Variants in RBFOX2 observed in about 807,000 individuals in gnomAD.
RBFOX2 encodes the protein RNA binding fox-1 homolog 2, also known as RNA binding protein fox-1 homolog 2.
RBFOX2 carries 10 observed loss-of-function variants against 49.1 expected under a neutral mutation model. The observed-to-expected ratio is 0.20, with a 90% CI of 0.13 to 0.35. The LOEUF (loss-of-function observed/expected upper bound fraction) is 0.35. RBFOX2 is among the 10% of genes least tolerant of loss of function. The pLI, the probability that RBFOX2 is intolerant of heterozygous loss-of-function variation, is 1.00. For synonymous variants in RBFOX2, 183 were observed against 187.4 expected, an observed-to-expected ratio of 0.98 and a Z score of 0.19; for missense variants, 323 against 486.9, an observed-to-expected ratio of 0.66 and a Z score of 3.17.
At chr22:35,802,650 C>A (rs1460424196) in intron 2 of RBFOX2, among the ~76,000 whole-genome samples, 1 of 152,058 alleles carries the variant, frequency 6.6e-6, no homozygotes, top group African/African-American at 2.4e-5. Flanking sequence ...GCTCTGACAG[C>A]TAAAAGGGGC....
chr22:35,972,382 G>A (rs192708867), intron 1 of RBFOX2, among the ~76,000 whole-genome samples: 3 of 151,056 alleles, frequency 2.0e-5, no homozygotes, highest in Admixed American at 6.6e-5. Flanking sequence ...ACAATCCTAA[G>A]TCAAACCGCT....
intron 1 of RBFOX2, among the ~76,000 whole-genome samples, chr22:35,838,743 G>GAT (rs961726508): frequency 1.3e-5 from 2 of 152,236 alleles, no homozygotes; most frequent in African/African-American, 4.8e-5. Context: ...ATGATGAGGG[G>GAT]ATAACACATG....
intron 1 of RBFOX2, among the ~76,000 whole-genome samples, chr22:35,980,077 A>C (rs1351841997): frequency 6.6e-6 from 1 of 152,176 alleles, no homozygotes; most frequent in African/African-American, 2.4e-5. Flanking sequence ...TTGTACAGGG[A>C]ATGTTGGGCC....
intron 1 of RBFOX2, among the ~76,000 whole-genome samples, chr22:35,933,926 T>TTATATATTTATATATATATATA (rs1556421196): frequency 8.5e-6 from 1 of 118,020 alleles, no homozygotes; most frequent in African/African-American, 3.9e-5. Context: ...TAATTAAATG[T>TTATATATTTATATATATATATA]TATATATATA....
exon 1 of RBFOX2, chr22:35,840,414 C>T: frequency 6.8e-7 from 1 of 1,480,802 alleles, no homozygotes; most frequent in Non-Finnish European, 8.9e-7. Context: ...GCAGTCTCTC[C>T]CCCTCCTTCT....
At chr22:35,871,656 C>T (rs371662164) in intron 1 of RBFOX2, among the ~76,000 whole-genome samples, 4 of 152,086 alleles carry the variant, frequency 2.6e-5, no homozygotes, top group Admixed American at 2.6e-4. Context: ...AAAGGAATAC[C>T]ATCAAACTCA....
At chr22:35,959,743 CCTT>C (rs2055992311) in intron 1 of RBFOX2, among the ~76,000 whole-genome samples, 1 of 152,282 alleles carries the variant, frequency 6.6e-6, no homozygotes, top group South Asian at 2.1e-4. Flanking sequence ...AGATTTCCCT[CCTT>C]GATTCAGTAG....
intron 1 of RBFOX2, among the ~76,000 whole-genome samples, chr22:35,820,035 T>G (rs1041430855): frequency 2.0e-5 from 3 of 152,132 alleles, no homozygotes; most frequent in Admixed American, 6.5e-5. Context: ...ATGGAGGCCT[T>G]GGAGACCTAT....
chr22:35,817,781 T>C (rs558229156), intron 1 of RBFOX2, among the ~76,000 whole-genome samples: 2 of 152,096 alleles, frequency 1.3e-5, no homozygotes, highest in Non-Finnish European at 2.9e-5. Context: ...AATCTTGAGC[T>C]CTTATAAACA....
chr22:35,830,495 A>T (rs541685616), intron 1 of RBFOX2, among the ~76,000 whole-genome samples: 2 of 152,354 alleles, frequency 1.3e-5, no homozygotes, highest in Admixed American at 1.3e-4. Context: ...CGTGTCCTTA[A>T]GCAAGTGTCT....
intron 1 of RBFOX2, among the ~76,000 whole-genome samples, chr22:35,926,233 T>C (rs1371832785): frequency 6.6e-6 from 1 of 152,202 alleles, no homozygotes; most frequent in African/African-American, 2.4e-5. Flanking sequence ...CCAGAATTGA[T>C]TATAAAAGAC....
intron 1 of RBFOX2, among the ~76,000 whole-genome samples, chr22:35,979,399 T>A (rs979251748): frequency 6.6e-5 from 10 of 152,342 alleles, no homozygotes; most frequent in Middle Eastern, 3.4e-3. Flanking sequence ...TAATATTGAT[T>A]TCCTGATTTG....
At chr22:35,773,918 G>A in intron 4 of RBFOX2, among the ~76,000 whole-genome samples, 1 of 152,070 alleles carries the variant, frequency 6.6e-6, no homozygotes, top group Admixed American at 6.5e-5. Flanking sequence ...GTTTCTAGCA[G>A]AGAATGCAAG....
At chr22:35,776,327 G>C (rs1050297042) in intron 4 of RBFOX2, among the ~76,000 whole-genome samples, 7 of 152,198 alleles carry the variant, frequency 4.6e-5, no homozygotes, top group African/African-American at 1.7e-4. Context: ...TACTTACCAA[G>C]TGCTGGAGAA....
intron 1 of RBFOX2, among the ~76,000 whole-genome samples, chr22:35,883,071 C>A (rs918277894): frequency 6.6e-6 from 1 of 152,206 alleles, no homozygotes; most frequent in Admixed American, 6.5e-5. Context: ...GGTCTCAACA[C>A]TGGGAAAAGA....
At chr22:35,810,774 T>C (rs997433190) in intron 1 of RBFOX2, among the ~76,000 whole-genome samples, 1 of 152,204 alleles carries the variant, frequency 6.6e-6, no homozygotes, top group Non-Finnish European at 1.5e-5. Context: ...AGTTTTGATA[T>C]ATGCACTTAT....
At chr22:35,897,773 C>T (rs895936527) in intron 1 of RBFOX2, 1 of 761,114 alleles carries the variant, frequency 1.3e-6, no homozygotes, top group Non-Finnish European at 2.4e-6. Flanking sequence ...AGGAATCTAT[C>T]CTCTCTTCCA....
intron 2 of RBFOX2, among the ~76,000 whole-genome samples, chr22:35,792,460 CT>C (rs1283614919): frequency 2.6e-5 from 4 of 151,658 alleles, no homozygotes. Flanking sequence ...ACATTATTAA[CT>C]TTTTATATCA....
intron 8 of RBFOX2, 55 bp downstream of exon 9, chr22:35,761,147 T>C (rs184769522): frequency 1.0e-4 from 152 of 1,469,950 alleles, no homozygotes; most frequent in Non-Finnish European, 1.3e-4. Flanking sequence ...AAACAGTACA[T>C]GATAGTTCAC....
Sources: allele counts gnomAD v4.1 joint callset (sites outside exome capture counted in the v4.1 genomes callset), GRCh38; gene constraint gnomAD v4.1.1; transcripts MANE v1.5; gene names NCBI Gene and HGNC (gene_info 2026-07-23, HGNC 2026-07-21).